The following LIN7A variants were observed in gnomAD, a reference collection of about 807,000 sequenced individuals.
LIN7A encodes protein lin-7 homolog A.
LIN7A carries 25 observed loss-of-function variants against 29.8 expected under a neutral mutation model. The observed-to-expected ratio is 0.84, with a 90% CI of 0.61 to 1.17. The LOEUF (loss-of-function observed/expected upper bound fraction) is 1.17, where lower values mean the gene tolerates loss of function less well. Among genes scored for constraint, LIN7A ranks in the 50% most tolerant of loss-of-function variants. The pLI, the probability that LIN7A is intolerant of heterozygous loss-of-function variation, is 0.00. For synonymous variants in LIN7A, 118 were observed against 107.5 expected, an observed-to-expected ratio of 1.10 and a Z score of -0.60; for missense variants, 239 against 287.0, an observed-to-expected ratio of 0.83 and a Z score of 1.21.
chr12:80,808,500 CTTTTTTCTTTTTTT>C (rs1183729465), intron 5 of LIN7A, among the ~76,000 whole-genome samples: 94 of 147,948 alleles, frequency 6.4e-4, no homozygotes, highest in African/African-American at 2.0e-3. Flanking sequence ...TTTCTTTTTT[CTTTTTTCTTTTTTT>C]TTTTTTTTTG....
At chr12:80,828,926 T>A (rs1872213588) in intron 4 of LIN7A, among the ~76,000 whole-genome samples, 1 of 152,098 alleles carries the variant, frequency 6.6e-6, no homozygotes, top group Non-Finnish European at 1.5e-5. Flanking sequence ...AGGAAAACAG[T>A]TAAAGGGACT....
chr12:80,932,198 A>T (rs902758256), intron 1 of LIN7A, among the ~76,000 whole-genome samples: 1 of 152,244 alleles, frequency 6.6e-6, no homozygotes, highest in African/African-American at 2.4e-5. Flanking sequence ...GAAAAATTGT[A>T]ATGTATCACA....
At chr12:80,800,419 G>A (rs572962152) in intron 5 of LIN7A, among the ~76,000 whole-genome samples, 39 of 149,544 alleles carry the variant, frequency 2.6e-4, no homozygotes, top group African/African-American at 8.4e-4. Context: ...AACCCGGGAG[G>A]TGGAGGTTGC....
chr12:80,906,765 A>G (rs866648119), intron 1 of LIN7A, among the ~76,000 whole-genome samples: 2 of 152,126 alleles, frequency 1.3e-5, no homozygotes, highest in African/African-American at 2.4e-5. Context: ...CGAAACCCCA[A>G]CGACATGCAA....
At chr12:80,867,703 A>C (rs116601245) in intron 2 of LIN7A, among the ~76,000 whole-genome samples, 1,885 of 152,318 alleles carry the variant, frequency 0.012, 36 homozygotes, top group African/African-American at 0.043. Flanking sequence ...GAGGAATATC[A>C]ACCATAAATA....
rs113170585 is a variant in LIN7A, at chr12:80,817,729, C to T, written c.484-6046G>A. Among the ~76,000 whole-genome samples, 612 of 152,224 alleles carry T rather than the reference C, an allele frequency of 4.0e-3. 5 individuals are homozygous for T. Among genetic ancestry groups the T allele is most frequent in the Admixed American group, 6.7e-3 (103 of 15,282 alleles). ...TCATTTATGTCCTTATATCTTAATA[C>T]TTAAGGAAACAGACACCAAGACTGG... On this transcript the variant is annotated intron_variant, in intron 4 of 5. Transcript: ENST00000552864.
In LIN7A at chr12:80,910,961, T is replaced by G. The variant is rs996822385; in HGVS notation, c.83-21592A>C. Among the ~76,000 whole-genome samples the G allele has an allele frequency of 5.3e-5, 8 of 152,328 alleles. 1 individual carries two copies. Among genetic ancestry groups the G allele is most frequent in the African/African-American group, 1.9e-4 (8 of 41,590 alleles). On this transcript the variant is annotated intron_variant, in intron 1 of 5. Transcript: ENST00000552864. ...GGAAAAGTTTGTGTTGAACTGATAGTATTTCTTTGTTATATGCTTGGCAGA... is the reference window on the plus strand; with the variant it reads ...GGAAAAGTTTGTGTTGAACTGATAGGATTTCTTTGTTATATGCTTGGCAGA...
At chr12:80,903,672 A>AT (rs144267629) in intron 1 of LIN7A, among the ~76,000 whole-genome samples, 10,479 of 150,216 alleles carry the variant, frequency 0.07, 576 homozygotes, top group Admixed American at 0.16. Context: ...TGTTATAAAG[A>AT]TTTTTTTTTT....
chr12:80,800,086 G>A (rs774067850), intron 5 of LIN7A, among the ~76,000 whole-genome samples: 2 of 152,066 alleles, frequency 1.3e-5, no homozygotes, highest in Non-Finnish European at 2.9e-5. Flanking sequence ...AAATGAAAGT[G>A]GTCACATCAC....
intron 2 of LIN7A, among the ~76,000 whole-genome samples, chr12:80,877,783 T>G (rs1408825975): frequency 6.6e-6 from 1 of 152,122 alleles, no homozygotes; most frequent in Non-Finnish European, 1.5e-5. Context: ...TCATTTTAGA[T>G]GACTTGTACA....
intron 2 of LIN7A, among the ~76,000 whole-genome samples, chr12:80,850,077 C>T (rs190578443): frequency 1.0e-3 from 155 of 152,180 alleles, no homozygotes; most frequent in African/African-American, 3.5e-3. Context: ...AATACCTGTA[C>T]CTAATAAATA....
At chr12:80,915,713 T>C (rs1296803955) in intron 1 of LIN7A, among the ~76,000 whole-genome samples, 2 of 152,232 alleles carry the variant, frequency 1.3e-5, no homozygotes, top group African/African-American at 2.4e-5. Context: ...CAAAATCATG[T>C]GCTTTGCAGC....
chr12:80,820,993 A>C (rs1871778647), intron 4 of LIN7A, among the ~76,000 whole-genome samples: 1 of 152,132 alleles, frequency 6.6e-6, no homozygotes, highest in Non-Finnish European at 1.5e-5. Context: ...CTGCATTAGG[A>C]TAGGGAAAGG....
intron 4 of LIN7A, among the ~76,000 whole-genome samples, chr12:80,819,578 T>C (rs989098837): frequency 6.6e-6 from 1 of 152,174 alleles, no homozygotes; most frequent in African/African-American, 2.4e-5. Flanking sequence ...GAATATAACA[T>C]CAATATAAAA....
At chr12:80,878,495 G>A in intron 2 of LIN7A, among the ~76,000 whole-genome samples, 1 of 152,138 alleles carries the variant, frequency 6.6e-6, no homozygotes, top group East Asian at 1.9e-4. Flanking sequence ...TGAAGCCATG[G>A]ACCTTTGCGG....
At chr12:80,874,367 T>C in intron 2 of LIN7A, among the ~76,000 whole-genome samples, 1 of 152,212 alleles carries the variant, frequency 6.6e-6, no homozygotes, top group East Asian at 1.9e-4. Flanking sequence ...AGTTTGGACT[T>C]AAAAATACTA....
At position 80,796,207 on chromosome 12, in the gene LIN7A, G is replaced by A. The variant is rs1240595898; in HGVS notation, c.*1520C>T. Reference sequence around the variant, plus strand: ...AGTGTCAAATTGTATTGTATCTTGGGGAATCAATTTCTGTATTTGAGAAAA... The same window carrying A: ...AGTGTCAAATTGTATTGTATCTTGGAGAATCAATTTCTGTATTTGAGAAAA... On this transcript the variant is annotated 3_prime_UTR_variant, in exon 6 of 6. Transcript: ENST00000552864. 1.3e-5 allele frequency: 2 copies of A among 151,998 alleles called. No homozygotes were observed. Among genetic ancestry groups the A allele is most frequent in the Non-Finnish European group, 2.9e-5 (2 of 67,996 alleles). 9.4% of individuals were successfully genotyped at this position (151,998 alleles called of 1,614,324 possible).
intron 4 of LIN7A, among the ~76,000 whole-genome samples, chr12:80,820,004 T>A (rs1871719052): frequency 6.6e-6 from 1 of 152,220 alleles, no homozygotes; most frequent in African/African-American, 2.4e-5. Flanking sequence ...TAGAAGAATG[T>A]TTAAAACTAT....
At chr12:80,935,873 T>C (rs766159982) in intron 1 of LIN7A, 3 of 435,926 alleles carry the variant, frequency 6.9e-6, no homozygotes, top group Middle Eastern at 4.5e-4. Context: ...TAGCACCTCC[T>C]CTCATCAACC....
Sources: allele counts gnomAD v4.1 joint callset (sites outside exome capture counted in the v4.1 genomes callset), GRCh38; gene constraint gnomAD v4.1.1; transcripts MANE v1.5; gene names NCBI Gene and HGNC (gene_info 2026-07-23, HGNC 2026-07-21).